The following EIF2AK1 variants were observed in gnomAD, a reference collection of about 807,000 sequenced individuals.
The protein encoded by EIF2AK1 is eukaryotic translation initiation factor 2 alpha kinase 1.
A neutral mutation model predicts 77.9 loss-of-function variants in EIF2AK1; 54 were observed. The ratio of observed to expected loss-of-function variants is 0.69; its 90% CI spans 0.56 to 0.87. EIF2AK1 has a LOEUF of 0.87. Ranked by LOEUF, EIF2AK1 falls within the 40% of genes least tolerant of loss-of-function variation. The pLI, the probability that EIF2AK1 is intolerant of heterozygous loss-of-function variation, is 0.00. For missense variants in EIF2AK1, 810 were observed against 768.6 expected (o/e 1.05, Z -0.64); for synonymous variants, 314 against 290.5 (o/e 1.08, Z -0.82).
intron 10 of EIF2AK1, among the ~76,000 whole-genome samples, 172 bp downstream of exon 10, chr7:6,038,388 G>A (rs915229505): frequency 1.3e-5 from 2 of 152,106 alleles, no homozygotes; most frequent in Non-Finnish European, 2.9e-5. Flanking sequence ...TAAGCAGTGG[G>A]TGTACAACTG....
chr7:6,029,359 G>T (rs1787835245), intron 11 of EIF2AK1, among the ~76,000 whole-genome samples: 2 of 152,092 alleles, frequency 1.3e-5, no homozygotes, highest in South Asian at 4.2e-4. Flanking sequence ...TAGGTGTGGT[G>T]GCACGTGCCT....
chr7:6,040,782 G>C, intron 9 of EIF2AK1, 110 bp downstream of exon 9: 2 of 907,626 alleles, frequency 2.2e-6, no homozygotes, highest in Non-Finnish European at 3.4e-6. Flanking sequence ...CAGTACAAGA[G>C]ACTGAACGCA....
In EIF2AK1 at chr7:6,033,070, G is replaced by T. The variant is rs1787963755; in HGVS notation, c.1333-4038C>A. On this transcript the variant is annotated intron_variant, in intron 11 of 14. Coordinates refer to ENST00000199389, the MANE Select transcript of EIF2AK1 (RefSeq NM_014413.4). The surrounding 1 kb of genome is among the most constrained non-coding windows in gnomAD (Gnocchi z 4.4). ...TGCAACCTCTACTTCCTGGGTTCAA[G>T]AGCTTCTCCCACCTCAGCCTCCCGA... 1 of 680,226 alleles carries T rather than the reference G, an allele frequency of 1.5e-6. No individual in the cohort carries two copies. The highest frequency in any genetic ancestry group is 1.8e-5 in the African/African-American group (1 of 54,990). 42.1% of individuals were successfully genotyped at this position (680,226 alleles called of 1,614,324 possible).
rs1788066721 is a variant in EIF2AK1, at chr7:6,035,886, C to G, written c.1332+1538G>C. 1 of 1,546,586 alleles carries G rather than the reference C, an allele frequency of 6.5e-7. No homozygotes were observed. Among genetic ancestry groups the G allele is most frequent in the Admixed American group, 2.0e-5 (1 of 50,744 alleles). ...CACTGCATCAAGCAAAGCAGGCCGACTCCTCGGGGCGGGGGTCAGCTGCAT... is the reference window on the plus strand; with the variant it reads ...CACTGCATCAAGCAAAGCAGGCCGAGTCCTCGGGGCGGGGGTCAGCTGCAT... On this transcript the variant is annotated intron_variant, in intron 11 of 14. Transcript: ENST00000199389. This position sits in a 1 kb window ranked among gnomAD's most constrained non-coding sequence, Gnocchi z 5.5.
rs1212996676 is a variant in EIF2AK1, at chr7:6,059,126, C to G, written c.-43G>C. On this transcript the variant is annotated 5_prime_UTR_variant, in exon 1 of 15. Transcript: ENST00000199389. ...CCGCAGCCCAGCCCGCCGGCCAGCC[C>G]AGCACTGCCACACTCCGATGCTGCA... 3 of 1,260,490 alleles carry G rather than the reference C, an allele frequency of 2.4e-6. No homozygotes were observed. Among genetic ancestry groups the G allele is most frequent in the Admixed American group, 4.1e-5 (1 of 24,126 alleles). The allele number at this position is 1,260,490 out of a possible 1,614,324, so 78.1% of individuals were successfully genotyped here. A position where few individuals can be genotyped will look rare whatever the true frequency, so the allele number is the denominator to read the frequency against.
At chr7:6,043,212 G>T (rs943002134) in intron 7 of EIF2AK1, among the ~76,000 whole-genome samples, 1 of 152,086 alleles carries the variant, frequency 6.6e-6, no homozygotes, top group African/African-American at 2.4e-5. Context: ...ACAGCACAGA[G>T]GACTTGACAG....
rs2128883740 is a variant in EIF2AK1, at chr7:6,023,814, A to G, written c.*859T>C. 6.4e-7 allele frequency: 1 copy of G among 1,573,960 alleles called. No individual in the cohort carries two copies. Among genetic ancestry groups the G allele is most frequent in the Non-Finnish European group, 8.6e-7 (1 of 1,158,388 alleles). ...TATTTAGGCCAGTTGTCAAGTGTCA[A>G]TAAAAGCATCATGTAATTTATGGTT... On this transcript the variant is annotated 3_prime_UTR_variant, in exon 15 of 15. Transcript: ENST00000199389.
chr7:6,023,246 G>A lies in EIF2AK1; in HGVS notation c.*1427C>T, dbSNP rs768380449. 67 of 1,522,226 alleles carry A rather than the reference G, an allele frequency of 4.4e-5. No individual in the cohort carries two copies. Among genetic ancestry groups the A allele is most frequent in the Non-Finnish European group, 5.6e-5 (64 of 1,144,476 alleles). The allele number at this position is 1,522,226 out of a possible 1,614,324, so 94.3% of individuals were successfully genotyped here. A position where few individuals can be genotyped will look rare whatever the true frequency, so the allele number is the denominator to read the frequency against. On this transcript the variant is annotated 3_prime_UTR_variant, in exon 15 of 15. Transcript: ENST00000199389. ...GTGACTGTCCCCTTCCCCACTGTGCGAGTACTTCCCTCAGGGCTGCTCTGG... is the reference window on the plus strand; with the variant it reads ...GTGACTGTCCCCTTCCCCACTGTGCAAGTACTTCCCTCAGGGCTGCTCTGG...
rs115577666 is a variant in EIF2AK1, at chr7:6,030,451, G to C, written c.1333-1419C>G. 2.1e-3 allele frequency among the ~76,000 whole-genome samples: 313 copies of C among 152,266 alleles called. 1 individual carries two copies. The highest frequency in any genetic ancestry group is 7.1e-3 in the African/African-American group (294 of 41,552). On this transcript the variant is annotated intron_variant, in intron 11 of 14. Transcript: ENST00000199389. ...CTTTCACTGTTCTTTGTGCCTCTAA[G>C]TTCACTCTTTGGGTTTGGACGGGTG...
At chr7:6,044,517 A>C (rs769726000) in intron 7 of EIF2AK1, 45 bp downstream of exon 7, 2 of 1,540,458 alleles carry the variant, frequency 1.3e-6, no homozygotes, top group East Asian at 2.3e-5. Flanking sequence ...GCACGGGCTA[A>C]AGTTTGCCAA....
At chr7:6,057,010 T>G (rs1788793510) in intron 1 of EIF2AK1, among the ~76,000 whole-genome samples, 1 of 151,822 alleles carries the variant, frequency 6.6e-6, no homozygotes, top group Non-Finnish European at 1.5e-5. Context: ...ATCATAGGCT[T>G]GGCTGGGCAC....
At chr7:6,028,468 T>C in intron 13 of EIF2AK1, 147 bp downstream of exon 13, 1 of 672,000 alleles carries the variant, frequency 1.5e-6, no homozygotes, top group South Asian at 1.6e-5. Flanking sequence ...ACCAGGCTGG[T>C]CTTGAACTCC....
At chr7:6,039,702 A>G (rs1352414994) in intron 9 of EIF2AK1, among the ~76,000 whole-genome samples, 1 of 150,590 alleles carries the variant, frequency 6.6e-6, no homozygotes, top group Non-Finnish European at 1.5e-5. Context: ...TGGGAGGCCG[A>G]GGCAGGTGGA....
At position 6,047,057 on chromosome 7, in the gene EIF2AK1, G is replaced by A. The variant is rs767857497; in HGVS notation, c.484C>T (p.Arg162Cys). Residue 162 changes from arginine to cysteine, a missense_variant, in exon 5 of 15, where the codon CGT becomes TGT. This residue lies in a region of EIF2AK1 where 15 missense variants were observed against 35.9 expected (regional missense o/e 0.42). Coordinates refer to ENST00000199389, the MANE Select transcript of EIF2AK1 (RefSeq NM_014413.4). ...REVALEAQTS[R>C]YLNEFEELAI... Reference sequence around the variant, plus strand: ...AGTTCTTCAAATTCATTTAAGTAACGTGAAGTTTGTGCTTCCAAGGCTACT... The same window carrying A: ...AGTTCTTCAAATTCATTTAAGTAACATGAAGTTTGTGCTTCCAAGGCTACT... 9 of 1,613,850 alleles carry A rather than the reference G, an allele frequency of 5.6e-6. No homozygotes were observed. The highest frequency in any genetic ancestry group is 4.5e-5 in the East Asian group (2 of 44,864).
intron 8 of EIF2AK1, among the ~76,000 whole-genome samples, chr7:6,041,570 A>G (rs1221409829): frequency 1.3e-5 from 2 of 151,880 alleles, no homozygotes; most frequent in Non-Finnish European, 2.9e-5. Context: ...GGCCGGGTGC[A>G]GTGGCTCATG....
rs371102621 is a variant in EIF2AK1, at chr7:6,043,004, A to T, written c.731-11T>A. On this transcript the variant is annotated splice_polypyrimidine_tract_variant and intron_variant, in intron 7 of 14. Transcript: ENST00000199389. ...TGGCAGCTCTGTCTGCTGAATGAAA[A>T]CAAACAACAATCATCTTCAAACAGC... The T allele has an allele frequency of 1.9e-6, 3 of 1,613,832 alleles. No homozygotes were observed. The highest frequency in any genetic ancestry group is 2.7e-5 in the African/African-American group (2 of 74,932).
rs371001491 is a variant in EIF2AK1 at position 6,038,689 on chromosome 7, G to C, written c.1120-18C>G. ...TACTGTGCCTAGGAGAGGACACAGTGATGGCTCCCATCTTTGCACGATTCA... is the reference window on the plus strand; with the variant it reads ...TACTGTGCCTAGGAGAGGACACAGTCATGGCTCCCATCTTTGCACGATTCA... On this transcript the variant is annotated intron_variant, in intron 9 of 14. Transcript: ENST00000199389. The C allele has an allele frequency of 9.5e-6, 15 of 1,570,804 alleles. No individual in the cohort carries two copies. The highest frequency in any genetic ancestry group is 1.3e-5 in the Non-Finnish European group (15 of 1,149,702).
In EIF2AK1 at chr7:6,041,235, A is replaced by G. The variant is rs759616290; in HGVS notation, c.792-16T>C. The G allele has an allele frequency of 3.4e-5, 48 of 1,416,338 alleles. No homozygotes were observed. The Middle Eastern group carries it at 1.7e-3, about 49-fold the overall frequency. 87.7% of individuals were successfully genotyped at this position (1,416,338 alleles called of 1,614,324 possible). A position where few individuals can be genotyped will look rare whatever the true frequency, so the allele number is the denominator to read the frequency against. On this transcript the variant is annotated splice_polypyrimidine_tract_variant and intron_variant, in intron 8 of 14. Transcript: ENST00000199389. ...ACATTGCTCTCTGAAAAAAAAAAAA[A>G]TAGTAAACATAAAAGTCAATGGGCC...
At chr7:6,034,328 C>T (rs1315954429) in intron 11 of EIF2AK1, among the ~76,000 whole-genome samples, 2 of 151,882 alleles carry the variant, frequency 1.3e-5, no homozygotes, top group Non-Finnish European at 2.9e-5. Flanking sequence ...AATAATAGAA[C>T]TTCTTGCCCC....
Sources: allele counts gnomAD v4.1 joint callset (sites outside exome capture counted in the v4.1 genomes callset), GRCh38; gene constraint gnomAD v4.1.1; regional missense constraint gnomAD v4.1.1; non-coding constraint Gnocchi (gnomAD v3.1); transcripts MANE v1.5; gene names NCBI Gene and HGNC (gene_info 2026-07-23, HGNC 2026-07-21).